ARMH4: variants seen among roughly 807,000 people sequenced by gnomAD.
The protein encoded by ARMH4 is armadillo-like helical domain-containing protein 4.
Under a neutral mutation model 61.9 loss-of-function variants are expected in ARMH4, and 49 were observed. The observed-to-expected ratio is 0.79, with a 90% confidence interval of 0.63 to 1.00. ARMH4 has a LOEUF of 1.00. Ranked by LOEUF, ARMH4 falls within the 50% of genes least tolerant of loss-of-function variation. The pLI, the probability that ARMH4 is intolerant of heterozygous loss-of-function variation, is 0.00. For synonymous variants in ARMH4, 368 were observed against 341.5 expected (o/e 1.08, Z -0.85); for missense variants, 934 against 930.0 (o/e 1.00, Z -0.06).
chr14:58,011,191 G>A (rs906827449), intron 6 of ARMH4, among the ~76,000 whole-genome samples: 9 of 152,028 alleles, frequency 5.9e-5, no homozygotes, highest in African/African-American at 1.9e-4. Context: ...AACTATCTGT[G>A]CTAAATTTTA....
intron 6 of ARMH4, among the ~76,000 whole-genome samples, chr14:58,006,939 T>C (rs534109438): frequency 6.6e-6 from 1 of 152,090 alleles, no homozygotes; most frequent in Admixed American, 6.6e-5. Context: ...AATTAATTAA[T>C]TAATATGCTT....
At chr14:58,010,430 G>A (rs924103231) in intron 6 of ARMH4, among the ~76,000 whole-genome samples, 6 of 152,092 alleles carry the variant, frequency 3.9e-5, no homozygotes, top group Non-Finnish European at 8.8e-5. Flanking sequence ...GGAATATGGG[G>A]AAGATTTAAA....
At chr14:58,063,870 G>A (rs556983298) in intron 5 of ARMH4, among the ~76,000 whole-genome samples, 1 of 152,166 alleles carries the variant, frequency 6.6e-6, no homozygotes, top group South Asian at 2.1e-4. Flanking sequence ...GCTGGAATTT[G>A]GTCTGTTTTT....
chr14:58,113,416 C>A (rs1566586093), intron 4 of ARMH4, among the ~76,000 whole-genome samples: 1 of 152,140 alleles, frequency 6.6e-6, no homozygotes, highest in African/African-American at 2.4e-5. Flanking sequence ...TTCAAATAAT[C>A]AGTGTTACTG....
chr14:58,023,095 T>C (rs1052683772), intron 5 of ARMH4, among the ~76,000 whole-genome samples: 1 of 152,166 alleles, frequency 6.6e-6, no homozygotes, highest in Non-Finnish European at 1.5e-5. Flanking sequence ...GCTGACTAAT[T>C]AGGTGGTGGT....
intron 5 of ARMH4, among the ~76,000 whole-genome samples, chr14:58,054,036 G>A (rs1452458705): frequency 6.6e-6 from 1 of 152,164 alleles, no homozygotes; most frequent in Non-Finnish European, 1.5e-5. Flanking sequence ...ACGTCTCAAA[G>A]ACTCTGTGAA....
intron 5 of ARMH4, among the ~76,000 whole-genome samples, chr14:58,042,302 A>G (rs1224064638): frequency 6.6e-6 from 1 of 152,242 alleles, no homozygotes; most frequent in Non-Finnish European, 1.5e-5. Context: ...AACTCACTCA[A>G]AACTGCTCAA....
rs142591438 is a variant in ARMH4, at chr14:58,114,932, A to C, written c.1831+16580T>G. Among the ~76,000 whole-genome samples, 1,185 of 152,312 alleles carry C rather than the reference A, an allele frequency of 7.8e-3. 13 individuals carry two copies. The highest frequency in any genetic ancestry group is 0.027 in the African/African-American group (1,130 of 41,570). On this transcript the variant is annotated intron_variant, in intron 4 of 7. Transcript: ENST00000267485. ...GGCCCCCTAACTTTCACTATGTACAAAAATTAACTCAAGATGGATTAAAGA... is the reference window on the plus strand; with the variant it reads ...GGCCCCCTAACTTTCACTATGTACACAAATTAACTCAAGATGGATTAAAGA...
At chr14:58,030,712 G>A (rs978706644) in intron 5 of ARMH4, among the ~76,000 whole-genome samples, 1 of 152,186 alleles carries the variant, frequency 6.6e-6, no homozygotes, top group Non-Finnish European at 1.5e-5. Flanking sequence ...GAATTATATA[G>A]TATTTGTCTT....
chr14:58,063,691 C>A (rs1884608397), intron 5 of ARMH4, among the ~76,000 whole-genome samples: 1 of 151,226 alleles, frequency 6.6e-6, no homozygotes, highest in East Asian at 1.9e-4. Context: ...GCCAGGAACA[C>A]TTTGGTACTG....
intron 5 of ARMH4, among the ~76,000 whole-genome samples, chr14:58,084,917 T>A (rs1173713135): frequency 6.6e-6 from 1 of 152,256 alleles, no homozygotes; most frequent in Non-Finnish European, 1.5e-5. Context: ...TCTCAAATGC[T>A]GAAATGAAAT....
intron 5 of ARMH4, among the ~76,000 whole-genome samples, chr14:58,045,283 T>TA (rs1404173819): frequency 6.6e-6 from 1 of 152,110 alleles, no homozygotes; most frequent in Non-Finnish European, 1.5e-5. Context: ...TATGCAGCCA[T>TA]AAAAAATGAT....
intron 5 of ARMH4, among the ~76,000 whole-genome samples, chr14:58,041,438 A>T (rs1883699471): frequency 6.6e-6 from 1 of 152,194 alleles, no homozygotes; most frequent in Admixed American, 6.5e-5. Context: ...AGAGCTCCTG[A>T]AGGGAACACT....
chr14:58,132,050 C>T (rs1448582978), intron 3 of ARMH4, among the ~76,000 whole-genome samples: 1 of 151,872 alleles, frequency 6.6e-6, no homozygotes, highest in Non-Finnish European at 1.5e-5. Context: ...AAATAATTAA[C>T]AAAAATATAT....
At chr14:58,048,003 G>A (rs778013645) in intron 5 of ARMH4, among the ~76,000 whole-genome samples, 4 of 152,168 alleles carry the variant, frequency 2.6e-5, no homozygotes, top group Admixed American at 1.3e-4. Context: ...TATTCTCTAA[G>A]CAGAACAGGA....
chr14:58,016,563 G>A (rs1882622879), intron 5 of ARMH4, among the ~76,000 whole-genome samples: 1 of 151,876 alleles, frequency 6.6e-6, no homozygotes, highest in African/African-American at 2.4e-5. Context: ...TTAAATTAAG[G>A]AAAAAAACAC....
intron 5 of ARMH4, among the ~76,000 whole-genome samples, chr14:58,043,139 G>A (rs1196065723): frequency 8.5e-5 from 13 of 152,150 alleles, no homozygotes; most frequent in Non-Finnish European, 8.8e-5. Context: ...AAGCCTGGCA[G>A]AGACACGACA....
intron 5 of ARMH4, among the ~76,000 whole-genome samples, chr14:58,071,765 A>G (rs1266047655): frequency 6.6e-6 from 1 of 152,264 alleles, no homozygotes; most frequent in East Asian, 1.9e-4. Context: ...TGACAGCAAT[A>G]TAAATCATGA....
intron 5 of ARMH4, among the ~76,000 whole-genome samples, chr14:58,030,560 T>C (rs1246391830): frequency 1.3e-5 from 2 of 152,220 alleles, no homozygotes; most frequent in African/African-American, 4.8e-5. Context: ...ATCAGCACCA[T>C]CCATCTCCAG....
Sources: allele counts gnomAD v4.1 joint callset (sites outside exome capture counted in the v4.1 genomes callset), GRCh38; gene constraint gnomAD v4.1.1; transcripts MANE v1.5; gene names NCBI Gene and HGNC (gene_info 2026-07-23, HGNC 2026-07-21).